Variants in AKAP19 observed in about 807,000 individuals in gnomAD.
AKAP19 encodes the protein A-kinase anchoring protein 19.
At chr2:190,158,558 C>T in the AKAP19 span, among the ~76,000 whole-genome samples, 2 of 152,296 alleles carry the variant, frequency 1.3e-5, no homozygotes, top group Admixed American at 1.3e-4. Context: ...GCTGTACTTA[C>T]ATTACTTTTA....
At chr2:190,029,303 C>T in the AKAP19 span, among the ~76,000 whole-genome samples, 1 of 152,102 alleles carries the variant, frequency 6.6e-6, no homozygotes, top group South Asian at 2.1e-4. Context: ...CTGCCCGCCT[C>T]GGCCTCCGAG....
At chr2:190,167,238 G>T in the AKAP19 span, among the ~76,000 whole-genome samples, 1 of 152,136 alleles carries the variant, frequency 6.6e-6, no homozygotes, top group Non-Finnish European at 1.5e-5. Context: ...AAGAGAGCTT[G>T]GGTAGGGAAA....
the AKAP19 span, among the ~76,000 whole-genome samples, chr2:190,050,796 A>G: frequency 1.3e-5 from 2 of 152,214 alleles, no homozygotes; most frequent in African/African-American, 4.8e-5. Flanking sequence ...TTGGGAAGAG[A>G]GAGGCTTCAG....
the AKAP19 span, among the ~76,000 whole-genome samples, chr2:190,118,423 A>C: frequency 2.6e-5 from 4 of 152,230 alleles, no homozygotes; most frequent in Non-Finnish European, 2.9e-5. Flanking sequence ...AAAAAAGAGA[A>C]TTTTAGACCA....
chr2:190,200,085 G>C, the AKAP19 span: 1 of 1,614,090 alleles, frequency 6.2e-7, no homozygotes, highest in South Asian at 1.1e-5. Context: ...ATGCCTTGCA[G>C]CAATGGGCAT....
the AKAP19 span, among the ~76,000 whole-genome samples, chr2:190,104,157 C>A: frequency 4.6e-5 from 7 of 152,150 alleles, no homozygotes; most frequent in African/African-American, 7.2e-5. Context: ...AAACTATACC[C>A]CCACATTTCA....
At chr2:190,124,703 C>A in the AKAP19 span, among the ~76,000 whole-genome samples, 1 of 152,210 alleles carries the variant, frequency 6.6e-6, no homozygotes, top group South Asian at 2.1e-4. Context: ...GAGACCCTGT[C>A]TTTTAGCTTA....
chr2:190,193,670 A>G, the AKAP19 span, among the ~76,000 whole-genome samples: 14 of 152,298 alleles, frequency 9.2e-5, no homozygotes, highest in South Asian at 2.5e-3. Flanking sequence ...TTAAACGTAT[A>G]TAGATGTCAT....
chr2:189,966,170 A>G, the AKAP19 span, among the ~76,000 whole-genome samples: 24 of 146,764 alleles, frequency 1.6e-4, no homozygotes, highest in Non-Finnish European at 3.3e-4. Flanking sequence ...GATACAATGG[A>G]CTTTGGGTAC....
At chr2:190,182,892 C>T in the AKAP19 span, among the ~76,000 whole-genome samples, 1 of 152,170 alleles carries the variant, frequency 6.6e-6, no homozygotes, top group Non-Finnish European at 1.5e-5. Context: ...TCTTTTTTCT[C>T]TTGGCTTGTA....
chr2:189,939,838 A>T, the AKAP19 span, among the ~76,000 whole-genome samples: 2 of 152,276 alleles, frequency 1.3e-5, no homozygotes, highest in East Asian at 3.9e-4. Flanking sequence ...GCAAGCTGTA[A>T]ACAGGCTATT....
chr2:190,059,942 TA>T, the AKAP19 span: 1 of 1,021,108 alleles, frequency 9.8e-7, no homozygotes, highest in Non-Finnish European at 1.5e-6. Flanking sequence ...ACCGTTGGGG[TA>T]AGATACCTTT....
At chr2:190,045,281 C>A in the AKAP19 span, among the ~76,000 whole-genome samples, 188 of 152,260 alleles carry the variant, frequency 1.2e-3, no homozygotes, top group Non-Finnish European at 1.8e-3. Context: ...CCCTTCTATC[C>A]CTGGTCAGCT....
At chr2:190,172,930 T>A in the AKAP19 span, among the ~76,000 whole-genome samples, 17 of 152,126 alleles carry the variant, frequency 1.1e-4, no homozygotes, top group East Asian at 3.1e-3. Context: ...CTGCCCAAAA[T>A]GGCGAAACCC....
the AKAP19 span, among the ~76,000 whole-genome samples, chr2:190,157,629 A>G: frequency 4.9e-3 from 741 of 152,166 alleles, 4 homozygotes; most frequent in African/African-American, 0.017. Context: ...TTACTTAACT[A>G]TTTTTTTAAA....
chr2:190,011,050 C>CTT, the AKAP19 span, among the ~76,000 whole-genome samples: 248 of 59,528 alleles, frequency 4.2e-3, no homozygotes, highest in Middle Eastern at 0.011. Flanking sequence ...CTCTCTCTCT[C>CTT]TTTTTTTTTT....
the AKAP19 span, among the ~76,000 whole-genome samples, chr2:189,952,429 CA>C: frequency 0.011 from 1,711 of 152,006 alleles, 30 homozygotes; most frequent in African/African-American, 0.039. Context: ...AAAATCATAT[CA>C]TTTTTTTTTT....
chr2:190,104,819 G>T, the AKAP19 span, among the ~76,000 whole-genome samples: 1 of 152,050 alleles, frequency 6.6e-6, no homozygotes, highest in Non-Finnish European at 1.5e-5. Flanking sequence ...CTATTAAAAA[G>T]TGAGAAAAGA....
chr2:189,998,765 TTCTTTC>T, the AKAP19 span, among the ~76,000 whole-genome samples: 7 of 85,682 alleles, frequency 8.2e-5, no homozygotes, highest in African/African-American at 2.8e-4. Flanking sequence ...CTTTCTTTCT[TTCTTTC>T]TTTTTTTTTT....
Sources: allele counts gnomAD v4.1 joint callset (sites outside exome capture counted in the v4.1 genomes callset), GRCh38; gene constraint gnomAD v4.1.1; transcripts MANE v1.5; gene names NCBI Gene and HGNC (gene_info 2026-07-23, HGNC 2026-07-21).